Variants in FXYD6 observed in about 807,000 individuals in gnomAD.
The protein encoded by FXYD6 is FXYD domain-containing ion transport regulator 6.
A neutral mutation model predicts 16.7 loss-of-function variants in FXYD6; 7 were observed. That is an observed-to-expected ratio of 0.42 (90% CI 0.24 to 0.79). The LOEUF (loss-of-function observed/expected upper bound fraction) is 0.79, where lower values mean the gene tolerates loss of function less well. Among genes scored for constraint, FXYD6 ranks in the 30% least tolerant of loss-of-function variants. The pLI is 0.28. For synonymous variants in FXYD6, 49 were observed against 43.0 expected (o/e 1.14, Z -0.54); for missense variants, 111 against 116.2 (o/e 0.95, Z 0.21).
intron 1 of FXYD6, among the ~76,000 whole-genome samples, chr11:117,848,035 G>C (rs1381370177): frequency 6.6e-6 from 1 of 152,142 alleles, no homozygotes; most frequent in Admixed American, 6.5e-5. Context: ...GTTGTTTCCT[G>C]ACTTTTTAAT....
At chr11:117,848,759 A>C (rs1306803860) in intron 1 of FXYD6, among the ~76,000 whole-genome samples, 1 of 152,170 alleles carries the variant, frequency 6.6e-6, no homozygotes, top group Admixed American at 6.5e-5. Context: ...TTAGTGAGTT[A>C]TAATTTTTAA....
At chr11:117,858,828 TG>T (rs2134181129) in intron 1 of FXYD6, among the ~76,000 whole-genome samples, 1 of 150,186 alleles carries the variant, frequency 6.7e-6, no homozygotes, top group African/African-American at 2.5e-5. Flanking sequence ...GGCTGGAGTG[TG>T]CAGTGGTGCG....
At chr11:117,849,831 AG>A (rs1235049040) in intron 1 of FXYD6, among the ~76,000 whole-genome samples, 1 of 152,168 alleles carries the variant, frequency 6.6e-6, no homozygotes, top group Non-Finnish European at 1.5e-5. Flanking sequence ...TAACATTCAT[AG>A]GTCACCCTGG....
intron 1 of FXYD6, among the ~76,000 whole-genome samples, chr11:117,871,384 C>G (rs2057131925): frequency 6.6e-6 from 1 of 151,930 alleles, no homozygotes. Context: ...TGGGCTTTCT[C>G]CACGTGTCTG....
chr11:117,841,712 C>G, intron 4 of FXYD6, 79 bp downstream of exon 4: 1 of 1,551,658 alleles, frequency 6.4e-7, no homozygotes, highest in Non-Finnish European at 8.9e-7. Flanking sequence ...GAGGGACCAA[C>G]CAGGCTCTCA....
chr11:117,841,415 T>A (rs1454652657), intron 4 of FXYD6, among the ~76,000 whole-genome samples: 16 of 151,826 alleles, frequency 1.1e-4, no homozygotes, highest in Admixed American at 1.0e-3. Flanking sequence ...ATCATGTGAG[T>A]AAAGAGGGAT....
chr11:117,856,532 C>T (rs981256318), intron 1 of FXYD6, among the ~76,000 whole-genome samples: 1 of 152,170 alleles, frequency 6.6e-6, no homozygotes, highest in Non-Finnish European at 1.5e-5. Context: ...AAGATGAGGT[C>T]TCACTTCATA....
intron 1 of FXYD6, among the ~76,000 whole-genome samples, chr11:117,846,957 T>C (rs916107961): frequency 5.3e-5 from 8 of 152,256 alleles, no homozygotes; most frequent in African/African-American, 1.4e-4. Flanking sequence ...GACCTATCTA[T>C]AGAACAACCT....
In FXYD6 at chr11:117,838,155, AG is replaced by A. The variant is rs1244988065; in HGVS notation, c.*143del. ...GTGGAGGAATGGTGTTAGAGGGGAT[AG>A]GGTGGGGGACACACAAGTTCTTGGC... On this transcript the variant is annotated 3_prime_UTR_variant, in exon 8 of 8. Coordinates refer to ENST00000526014, the MANE Select transcript of FXYD6 (RefSeq NM_022003.4). 1 of 701,132 alleles carries A rather than the reference AG, an allele frequency of 1.4e-6. No homozygotes were observed. The highest frequency in any genetic ancestry group is 2.6e-6 in the Non-Finnish European group (1 of 384,906). The allele number at this position is 701,132 out of a possible 1,614,324, so 43.4% of individuals were successfully genotyped here. A position where few individuals can be genotyped will look rare whatever the true frequency, so the allele number is the denominator to read the frequency against.
At chr11:117,839,884 C>A in intron 6 of FXYD6, 54 bp from the exon 7 acceptor site, 1 of 1,609,908 alleles carries the variant, frequency 6.2e-7, no homozygotes, top group South Asian at 1.1e-5. Context: ...CCCCCGTGGG[C>A]CACCCCCAAC....
intron 1 of FXYD6, among the ~76,000 whole-genome samples, chr11:117,854,911 G>A (rs901909060): frequency 3.3e-5 from 5 of 152,230 alleles, no homozygotes; most frequent in African/African-American, 7.2e-5. Flanking sequence ...GAGCCTTAAC[G>A]CATTTCATGC....
chr11:117,860,808 T>A (rs950732785), intron 1 of FXYD6, among the ~76,000 whole-genome samples: 2 of 152,220 alleles, frequency 1.3e-5, no homozygotes, highest in African/African-American at 4.8e-5. Flanking sequence ...CCAAGTGTTG[T>A]TCTAAATAGT....
intron 1 of FXYD6, chr11:117,844,095 C>CA (rs1332544627): frequency 6.6e-6 from 1 of 152,490 alleles, no homozygotes; most frequent in Non-Finnish European, 1.5e-5. Context: ...TGATTGCCCC[C>CA]AGCACGGTCA....
intron 1 of FXYD6, among the ~76,000 whole-genome samples, chr11:117,868,432 T>C (rs1386692213): frequency 2.6e-5 from 4 of 152,064 alleles, no homozygotes; most frequent in Non-Finnish European, 4.4e-5. Context: ...AGTCTAATCA[T>C]GAGGAGAACA....
chr11:117,858,687 CTTTCTTTCTTTCTT>C (rs1464683606), intron 1 of FXYD6, among the ~76,000 whole-genome samples: 2,160 of 90,266 alleles, frequency 0.024, 84 homozygotes, highest in African/African-American at 0.073. Flanking sequence ...TTCTTTCTTT[CTTTCTTTCTTTCTT>C]TCTCTCTCTC....
intron 5 of FXYD6, 41 bp downstream of exon 5, chr11:117,841,107 C>T: frequency 6.2e-7 from 1 of 1,613,612 alleles, no homozygotes; most frequent in Non-Finnish European, 8.5e-7. Flanking sequence ...CCTGTCCCAC[C>T]TAGTATCACC....
chr11:117,840,064 GGGCT>G (rs2056303236), intron 6 of FXYD6: 1 of 645,910 alleles, frequency 1.5e-6, no homozygotes. Flanking sequence ...GCCTATTTCA[GGGCT>G]GTGTGCCCAT....
In FXYD6 at chr11:117,837,875, C is replaced by T; in HGVS notation, c.*424G>A. 1 of 324,268 alleles carries T rather than the reference C, an allele frequency of 3.1e-6. No homozygotes were observed. Among genetic ancestry groups the T allele is most frequent in the Non-Finnish European group, 5.8e-6 (1 of 172,188 alleles). 20.1% of individuals were successfully genotyped at this position (324,268 alleles called of 1,614,324 possible). On this transcript the variant is annotated 3_prime_UTR_variant, in exon 8 of 8. Coordinates refer to ENST00000526014, the MANE Select transcript of FXYD6 (RefSeq NM_022003.4). The surrounding 1 kb of genome is among the most constrained non-coding windows in gnomAD (Gnocchi z 4.4). ...GAGGGGGCTGGTCTCGGGCAACAAG[C>T]AGCCTCCTAGGAGCAGAAGGTGATG...
At chr11:117,868,238 G>A (rs990012085) in intron 1 of FXYD6, among the ~76,000 whole-genome samples, 2 of 152,258 alleles carry the variant, frequency 1.3e-5, no homozygotes, top group African/African-American at 2.4e-5. Context: ...CTCGAGGAGC[G>A]GAGAGAACAC....
Sources: allele counts gnomAD v4.1 joint callset (sites outside exome capture counted in the v4.1 genomes callset), GRCh38; gene constraint gnomAD v4.1.1; non-coding constraint Gnocchi (gnomAD v3.1); transcripts MANE v1.5; gene names NCBI Gene and HGNC (gene_info 2026-07-23, HGNC 2026-07-21).